The following TBC1D19 variants were observed in gnomAD, a reference collection of about 807,000 sequenced individuals.
The protein encoded by TBC1D19 is TBC1 domain family, member 19.
Under a neutral mutation model 89.0 loss-of-function variants are expected in TBC1D19, and 60 were observed. The observed-to-expected ratio is 0.67, with a 90% CI of 0.55 to 0.84. The LOEUF (loss-of-function observed/expected upper bound fraction) is 0.84, where lower values mean the gene tolerates loss of function less well. Ranked by LOEUF, TBC1D19 falls within the 40% of genes least tolerant of loss-of-function variation. The probability of loss-of-function intolerance (pLI) is 0.00; values close to 1 mark genes in which losing one functional copy is unlikely to be tolerated. For missense variants in TBC1D19, 500 were observed against 610.8 expected, an observed-to-expected ratio of 0.82 and a Z score of 1.91; for synonymous variants, 189 against 199.7, an observed-to-expected ratio of 0.95 and a Z score of 0.45.
At chr4:26,642,548 CATA>C (rs879293993) in intron 7 of TBC1D19, among the ~76,000 whole-genome samples, 1 of 152,210 alleles carries the variant, frequency 6.6e-6, no homozygotes, top group Non-Finnish European at 1.5e-5. Context: ...CAGCTAACAT[CATA>C]ATGACAGGAT....
chr4:26,746,094 AT>A (rs920653029), intron 18 of TBC1D19, among the ~76,000 whole-genome samples: 2 of 152,076 alleles, frequency 1.3e-5, no homozygotes, highest in Non-Finnish European at 2.9e-5. Flanking sequence ...TACTTTAAAT[AT>A]TTTTTTCTGC....
chr4:26,724,600 G>C (rs1480503200), intron 15 of TBC1D19, among the ~76,000 whole-genome samples: 1 of 152,140 alleles, frequency 6.6e-6, no homozygotes, highest in African/African-American at 2.4e-5. Context: ...ATTTGACAGA[G>C]ATTTTCTTAA....
chr4:26,658,851 G>A (rs2109072747), intron 7 of TBC1D19, among the ~76,000 whole-genome samples: 1 of 152,274 alleles, frequency 6.6e-6, no homozygotes, highest in East Asian at 1.9e-4. Context: ...TGGCAATTGT[G>A]AATGGGAATT....
intron 1 of TBC1D19, among the ~76,000 whole-genome samples, chr4:26,608,958 A>G (rs1741179567): frequency 6.7e-6 from 1 of 148,968 alleles, no homozygotes; most frequent in Admixed American, 6.8e-5. Context: ...AGGACAAAAA[A>G]CCAAACACCG....
At chr4:26,805,968 C>G in the TBC1D19 span, among the ~76,000 whole-genome samples, 1 of 151,212 alleles carries the variant, frequency 6.6e-6, no homozygotes, top group African/African-American at 2.4e-5. Flanking sequence ...GAGACTTGGT[C>G]TCAAAAAAAA....
the TBC1D19 span, among the ~76,000 whole-genome samples, chr4:26,788,497 C>T: frequency 6.6e-6 from 1 of 152,168 alleles, no homozygotes; most frequent in East Asian, 1.9e-4. Flanking sequence ...TGTTGTGACA[C>T]CTAAACTCCT....
the TBC1D19 span, among the ~76,000 whole-genome samples, chr4:26,779,606 T>C: frequency 7.2e-4 from 109 of 152,256 alleles, no homozygotes; most frequent in Non-Finnish European, 1.4e-3. Flanking sequence ...GTGTGCTTAC[T>C]TGGGTTTTGG....
upstream of TBC1D19, among the ~76,000 whole-genome samples, chr4:26,579,945 G>A (rs1393042838): frequency 2.0e-5 from 3 of 152,202 alleles, no homozygotes; most frequent in African/African-American, 2.4e-5. Context: ...AAGATGGAAA[G>A]AGCTTAGAAA....
downstream of TBC1D19, among the ~76,000 whole-genome samples, chr4:26,759,051 T>C (rs145402120): frequency 4.3e-4 from 65 of 152,320 alleles, no homozygotes; most frequent in African/African-American, 1.5e-3. Flanking sequence ...CTTCCCTCTT[T>C]ACCTAACTCT....
At chr4:26,735,645 A>AT (rs1226494967) in intron 16 of TBC1D19, among the ~76,000 whole-genome samples, 158 bp downstream of exon 16, 1 of 151,992 alleles carries the variant, frequency 6.6e-6, no homozygotes, top group Non-Finnish European at 1.5e-5. Flanking sequence ...TAGGGGCTTC[A>AT]TTTTTTTTAA....
At chr4:26,728,902 C>T (rs1409804920) in intron 15 of TBC1D19, among the ~76,000 whole-genome samples, 5 of 152,172 alleles carry the variant, frequency 3.3e-5, no homozygotes, top group South Asian at 2.1e-4. Context: ...GTAGTCCCAG[C>T]TACTCAGAAG....
rs572549322 is a variant in TBC1D19 at position 26,709,378 on chromosome 4, A to C, written c.955-8555A>C. On this transcript the variant is annotated intron_variant, in intron 13 of 20. Transcript: ENST00000264866. ...AGAGGAGGGAGAGCATTGTTCCTTT[A>C]AATCTTCTGAAAGTTACTTCAGCCA... 1.8e-4 allele frequency among the ~76,000 whole-genome samples: 27 copies of C among 152,178 alleles called. No homozygotes were observed. The South Asian group carries it at 5.6e-3, about 31-fold the overall frequency.
chr4:26,744,398 A>G (rs1718531638), intron 18 of TBC1D19, among the ~76,000 whole-genome samples: 1 of 150,528 alleles, frequency 6.6e-6, no homozygotes, highest in Admixed American at 6.6e-5. Context: ...TCTTATATTT[A>G]TTATTTTCTT....
intron 4 of TBC1D19, among the ~76,000 whole-genome samples, chr4:26,624,102 A>T (rs944170771): frequency 9.2e-5 from 14 of 152,044 alleles, no homozygotes; most frequent in Non-Finnish European, 2.9e-5. Context: ...CTGCTGTCTT[A>T]TAACTGTCCT....
chr4:26,727,217 G>A (rs1047951162), intron 15 of TBC1D19, among the ~76,000 whole-genome samples: 2 of 152,144 alleles, frequency 1.3e-5, no homozygotes, highest in African/African-American at 2.4e-5. Flanking sequence ...GAAGGATTTT[G>A]AAAAACTAGC....
intron 13 of TBC1D19, among the ~76,000 whole-genome samples, chr4:26,691,004 A>G (rs1714225438): frequency 6.6e-6 from 1 of 152,240 alleles, no homozygotes; most frequent in Non-Finnish European, 1.5e-5. Context: ...TTTGTGATTC[A>G]TGAGAGGAGG....
the TBC1D19 span, among the ~76,000 whole-genome samples, chr4:26,853,749 C>T: frequency 8.9e-4 from 135 of 152,140 alleles, no homozygotes; most frequent in Non-Finnish European, 1.4e-3. Flanking sequence ...GTTGGTCAGG[C>T]TGGGCTCGAA....
At chr4:26,724,257 A>T (rs1196506890) in intron 15 of TBC1D19, among the ~76,000 whole-genome samples, 1 of 152,218 alleles carries the variant, frequency 6.6e-6, no homozygotes, top group African/African-American at 2.4e-5. Context: ...TTGTCTAGTA[A>T]GTCCAATGTC....
intron 7 of TBC1D19, among the ~76,000 whole-genome samples, chr4:26,645,717 C>A (rs1355135225): frequency 2.0e-5 from 3 of 152,192 alleles, no homozygotes; most frequent in Admixed American, 1.3e-4. Flanking sequence ...AGTGAACAGG[C>A]AACCTACAGA....
Sources: allele counts gnomAD v4.1 joint callset (sites outside exome capture counted in the v4.1 genomes callset), GRCh38; gene constraint gnomAD v4.1.1; transcripts MANE v1.5; gene names NCBI Gene and HGNC (gene_info 2026-07-23, HGNC 2026-07-21).